Variants in CLCN6 observed in about 807,000 individuals in gnomAD.
CLCN6 encodes Cl-/H+ antiporter 6, also known as H(+)/Cl(-) exchange transporter 6.
Under a neutral mutation model 109.8 loss-of-function variants are expected in CLCN6, and 70 were observed. The observed-to-expected ratio is 0.64, with a 90% confidence interval of 0.53 to 0.78. The LOEUF is 0.78. Among genes scored for constraint, CLCN6 ranks in the 30% least tolerant of loss-of-function variants. The probability of loss-of-function intolerance (pLI) is 0.00; values close to 1 mark genes in which losing one functional copy is unlikely to be tolerated. For synonymous variants in CLCN6, 444 were observed against 447.8 expected (o/e 0.99, Z 0.11); for missense variants, 984 against 1,142.3 (o/e 0.86, Z 2.00).
chr1:11,818,193 C>T (rs1644698830), intron 4 of CLCN6, among the ~76,000 whole-genome samples: 1 of 151,888 alleles, frequency 6.6e-6, no homozygotes, highest in South Asian at 2.1e-4. Flanking sequence ...AAGCATAGTC[C>T]TTAGGCCTCT....
intron 5 of CLCN6, among the ~76,000 whole-genome samples, chr1:11,821,073 T>TA (rs1216520509): frequency 0.019 from 2,255 of 121,880 alleles, 37 homozygotes; most frequent in Non-Finnish European, 0.028. Context: ...CAAAACTGTC[T>TA]CAAAAAACAA....
chr1:11,828,439 C>T lies in CLCN6; in HGVS notation c.955-19C>T, dbSNP rs1570532538. ...GCTGCTATGGTTTTTCTCTCCCTCT[C>T]CCTTTCCCCTTCTCTCAGTGCTCTG... On this transcript the variant is annotated intron_variant, in intron 11 of 22. Coordinates refer to ENST00000346436, the MANE Select transcript of CLCN6 (RefSeq NM_001286.5). The T allele has an allele frequency of 3.7e-6, 6 of 1,613,884 alleles. No homozygotes were observed. In the East Asian group the frequency reaches 1.3e-4, roughly 36 times the overall value.
In CLCN6 at chr1:11,838,444, T is replaced by TGAGAAGG; in HGVS notation, c.2403+4_2403+10dup. ...CTGCTCAACCCGCGCATGATCGTGG[T>TGAGAAGG]GAGAAGGGCTGCCCCGGCCTGTCCC... On this transcript the variant is annotated splice_region_variant and intron_variant, in intron 21 of 22. Transcript: ENST00000346436. 1 of 1,614,106 alleles carries TGAGAAGG rather than the reference T, an allele frequency of 6.2e-7. No homozygotes were observed. Among genetic ancestry groups the TGAGAAGG allele is most frequent in the Non-Finnish European group, 8.5e-7 (1 of 1,180,000 alleles).
intron 3 of CLCN6, 139 bp from the exon 4 acceptor site, chr1:11,816,476 C>T: frequency 1.3e-6 from 1 of 758,480 alleles, no homozygotes; most frequent in Admixed American, 2.3e-5. Context: ...CACTGTAAAG[C>T]ACCTGAAATC....
At chr1:11,829,703 A>G (rs374052010) in intron 13 of CLCN6, 5,572 of 74,040 alleles carry the variant, frequency 0.075, 167 homozygotes, top group African/African-American at 0.11. Flanking sequence ...CAACCCTGGC[A>G]TCACAGAGGG....
chr1:11,814,186 G>A (rs1261089543), intron 2 of CLCN6, among the ~76,000 whole-genome samples: 1 of 151,926 alleles, frequency 6.6e-6, no homozygotes, highest in East Asian at 1.9e-4. Context: ...GGTAGGAACA[G>A]GTTGTGGGAA....
chr1:11,839,060 A>G (rs1644987558), intron 22 of CLCN6: 1 of 595,900 alleles, frequency 1.7e-6, no homozygotes, highest in East Asian at 2.8e-5. Context: ...ATTGCTGCAG[A>G]CTTTCCTTTT....
At chr1:11,836,882 A>T in intron 18 of CLCN6, 117 bp from the exon 19 acceptor site, 1 of 1,183,992 alleles carries the variant, frequency 8.4e-7, no homozygotes, top group Non-Finnish European at 1.2e-6. Context: ...CAGCCCCATT[A>T]AGTTCCTGCG....
At chr1:11,820,586 G>A in intron 5 of CLCN6, 1 of 463,392 alleles carries the variant, frequency 2.2e-6, no homozygotes, top group Middle Eastern at 6.3e-4. Flanking sequence ...CTAACACGGT[G>A]AAACCCCGTC....
rs111674834 is a variant in CLCN6, at chr1:11,821,184, CATAA to C, written c.347-1505_347-1502del. Among the ~76,000 whole-genome samples, 366 of 151,920 alleles carry C rather than the reference CATAA, an allele frequency of 2.4e-3. 1 individual carries two copies. The highest frequency in any genetic ancestry group is 8.6e-3 in the African/African-American group (355 of 41,442). Reference sequence around the variant, plus strand: ...ACTCCAAATAACAACAATAAAACACCATAAATAAAGTGAAAACAAGTCCACAGCC... The same window carrying C: ...ACTCCAAATAACAACAATAAAACACCATAAAGTGAAAACAAGTCCACAGCC... On this transcript the variant is annotated intron_variant, in intron 5 of 22. Coordinates refer to ENST00000346436, the MANE Select transcript of CLCN6 (RefSeq NM_001286.5).
At chr1:11,821,592 T>C (rs1012147860) in intron 5 of CLCN6, among the ~76,000 whole-genome samples, 1 of 151,846 alleles carries the variant, frequency 6.6e-6, no homozygotes, top group Non-Finnish European at 1.5e-5. Flanking sequence ...TGCAACTCAA[T>C]CAGAAAAACA....
At chr1:11,823,163 A>G (rs1295668443) in intron 6 of CLCN6, among the ~76,000 whole-genome samples, 2 of 152,206 alleles carry the variant, frequency 1.3e-5, no homozygotes, top group Non-Finnish European at 2.9e-5. Context: ...CCCTGAACCT[A>G]AAATAAAAGT....
At chr1:11,811,519 A>G (rs1317762278) in intron 2 of CLCN6, among the ~76,000 whole-genome samples, 1 of 151,962 alleles carries the variant, frequency 6.6e-6, no homozygotes, top group Non-Finnish European at 1.5e-5. Flanking sequence ...AGTAGCTGGG[A>G]TTACAGGCGT....
intron 19 of CLCN6, 31 bp from the exon 20 acceptor site, chr1:11,837,308 GGTAT>G: frequency 6.3e-7 from 1 of 1,599,110 alleles, no homozygotes; most frequent in East Asian, 2.2e-5. Flanking sequence ...TCCCGCTGAG[GGTAT>G]CCCAGGCAGC....
At position 11,840,282 on chromosome 1, in the gene CLCN6, G is replaced by A. The variant is rs930959089; in HGVS notation, c.*59G>A. ...GGAGGCAAATCATGCTCACTCCGGC[G>A]GGCACAGCTGGCTGGGGCTGTTCCG... On this transcript the variant is annotated 3_prime_UTR_variant, in exon 23 of 23. Transcript: ENST00000346436. 12 of 1,416,976 alleles carry A rather than the reference G, an allele frequency of 8.5e-6. 1 individual carries two copies. Among genetic ancestry groups the A allele is most frequent in the Admixed American group, 3.3e-5 (2 of 59,796 alleles). The allele number at this position is 1,416,976 out of a possible 1,614,324, so 87.8% of individuals were successfully genotyped here.
At chr1:11,826,335 G>A in intron 9 of CLCN6, 121 bp downstream of exon 9, 1 of 787,380 alleles carries the variant, frequency 1.3e-6, no homozygotes, top group Non-Finnish European at 2.1e-6. Flanking sequence ...ACTGGGAGAA[G>A]GGGGCGGGCT....
At chr1:11,837,541 C>G (rs773631707) in intron 20 of CLCN6, 42 bp downstream of exon 20, 1 of 1,592,038 alleles carries the variant, frequency 6.3e-7, no homozygotes, top group Non-Finnish European at 8.6e-7. Context: ...CCAGACCTGA[C>G]GAAGCTCGAG....
intron 2 of CLCN6, among the ~76,000 whole-genome samples, chr1:11,811,012 A>G (rs1306224331): frequency 6.6e-6 from 1 of 152,056 alleles, no homozygotes; most frequent in African/African-American, 2.4e-5. Flanking sequence ...AGGACTTCAT[A>G]CCAGCCTGGG....
chr1:11,823,745 C>G lies in CLCN6; in HGVS notation c.492C>G (p.Cys164Trp), dbSNP rs144873236. The change falls in exon 7 of 23, where the codon TGC becomes TGG. Residue 164 changes from cysteine (C) to tryptophan (W), a missense_variant. Transcript: ENST00000346436. The stretch of plus-strand genomic sequence containing the variant: ...GTTCCGGGATACCCGAGGTCAAATG[C>G]TATCTGAATGGCGTAAAGGTGCCAG... ...AAGSGIPEVK[C>W]YLNGVKVPGI... 6.2e-7 allele frequency: 1 copy of G among 1,614,154 alleles called. No individual in the cohort carries two copies. The highest frequency in any genetic ancestry group is 8.5e-7 in the Non-Finnish European group (1 of 1,180,056).
Sources: allele counts gnomAD v4.1 joint callset (sites outside exome capture counted in the v4.1 genomes callset), GRCh38; gene constraint gnomAD v4.1.1; transcripts MANE v1.5; gene names NCBI Gene and HGNC (gene_info 2026-07-23, HGNC 2026-07-21).